CLCA2: variants seen among roughly 807,000 people sequenced by gnomAD.
CLCA2 encodes calcium-activated chloride channel regulator 2.
In CLCA2, 85 loss-of-function variants were observed where a neutral mutation model predicts 82.9. That is an observed-to-expected ratio of 1.03 (90% CI 0.86 to 1.23). The LOEUF (loss-of-function observed/expected upper bound fraction) is 1.23. CLCA2 is among the 50% of genes most tolerant of loss of function. The pLI, the probability that CLCA2 is intolerant of heterozygous loss-of-function variation, is 0.00. For missense variants in CLCA2, 1,089 were observed against 1,124.8 expected (o/e 0.97, Z 0.45); for synonymous variants, 421 against 391.7 (o/e 1.07, Z -0.88).
At chr1:86,446,123 G>A (rs1662848115) in intron 10 of CLCA2, among the ~76,000 whole-genome samples, 1 of 151,884 alleles carries the variant, frequency 6.6e-6, no homozygotes, top group African/African-American at 2.4e-5. Context: ...TCCAGTAGGG[G>A]TCCAACAGAC....
At chr1:86,428,333 G>A in intron 2 of CLCA2, 85 bp from the exon 3 acceptor site, 3 of 1,336,728 alleles carry the variant, frequency 2.2e-6, no homozygotes, top group Non-Finnish European at 1.0e-6. Context: ...TAAGTGTACA[G>A]TTCAAAGTGC....
At chr1:86,445,867 A>G (rs964693138) in intron 10 of CLCA2, among the ~76,000 whole-genome samples, 3 of 152,200 alleles carry the variant, frequency 2.0e-5, no homozygotes, top group Admixed American at 6.5e-5. Flanking sequence ...ACACACATTA[A>G]AAGTCTCCAA....
At chr1:86,436,644 T>G (rs1459001289) in intron 6 of CLCA2, among the ~76,000 whole-genome samples, 6 of 152,224 alleles carry the variant, frequency 3.9e-5, no homozygotes, top group Admixed American at 3.9e-4. Context: ...TCCACTAATA[T>G]AGCCAGCATT....
At chr1:86,428,282 T>A in intron 2 of CLCA2, 136 bp from the exon 3 acceptor site, 1 of 768,428 alleles carries the variant, frequency 1.3e-6, no homozygotes, top group South Asian at 5.3e-5. Flanking sequence ...ATTTTGTTTT[T>A]AAATTGGGTT....
At chr1:86,431,037 A>C in intron 4 of CLCA2, 67 bp downstream of exon 4, 1 of 1,090,388 alleles carries the variant, frequency 9.2e-7, no homozygotes. Context: ...TAACTTAAGC[A>C]ATTAAATAAT....
rs1444431909 is a variant in CLCA2 at position 86,453,540 on chromosome 1, A to C, written c.2327A>C (p.Lys776Thr). 5 of 1,614,196 alleles carry C rather than the reference A, an allele frequency of 3.1e-6. No homozygotes were observed. The highest frequency in any genetic ancestry group is 4.2e-6 in the Non-Finnish European group (5 of 1,180,012). ...AAAATTATTGACCTGGAAGCTGTAA[A>C]AGTAGAAGAGGAATTGACCCTATCT... ...PCKIIDLEAVKVEEELTLSWT... is the reference protein window; with the variant it reads ...PCKIIDLEAVTVEEELTLSWT... The change falls in exon 13 of 14, where the codon AAA becomes ACA. Residue 776 changes from lysine to threonine, a missense_variant. Transcript: ENST00000370565.
Position 86,441,481 on chromosome 1 carries a change from ATGAT to A in CLCA2, c.1431_1434del (p.Ile477MetfsTer33). 1 of 1,612,130 alleles carries A rather than the reference ATGAT, an allele frequency of 6.2e-7. No homozygotes were observed. The highest frequency in any genetic ancestry group is 8.5e-7 in the Non-Finnish European group (1 of 1,178,546). ...TCCAGATATATCAAACTCCAATAGC[ATGAT>A]TGATGCTTTCAGTAGAATTTCCTCT... On this transcript the variant is annotated frameshift_variant, in exon 9 of 14. Coordinates refer to ENST00000370565, the MANE Select transcript of CLCA2 (RefSeq NM_006536.7). LOFTEE classifies it high-confidence loss of function.
At chr1:86,424,831 G>T (rs1312150752) in intron 1 of CLCA2, among the ~76,000 whole-genome samples, 1 of 152,116 alleles carries the variant, frequency 6.6e-6, no homozygotes, top group Non-Finnish European at 1.5e-5. Flanking sequence ...CCATCCTGAG[G>T]GTGAGAATTC....
intron 4 of CLCA2, among the ~76,000 whole-genome samples, chr1:86,431,289 A>G (rs1662493206): frequency 6.6e-6 from 1 of 152,052 alleles, no homozygotes; most frequent in Non-Finnish European, 1.5e-5. Flanking sequence ...TATTTTTTCA[A>G]TATTTCTTCA....
chr1:86,434,750 C>T lies in CLCA2; in HGVS notation c.972+5C>T, dbSNP rs565615170. On this transcript the variant is annotated splice_donor_5th_base_variant and intron_variant, in intron 6 of 13. Transcript: ENST00000370565. ...GTGTCCAGCAAGATGGCAGAGGTAA[C>T]ATTTTGAACGAAAATGAATGTAAAC... is the stretch of plus-strand genomic sequence containing the variant. 3.8e-6 allele frequency: 6 copies of T among 1,583,682 alleles called. No homozygotes were observed. Among genetic ancestry groups the T allele is most frequent in the South Asian group, 2.2e-5 (2 of 89,926 alleles).
intron 6 of CLCA2, among the ~76,000 whole-genome samples, chr1:86,435,388 C>T (rs975245150): frequency 5.3e-5 from 8 of 152,224 alleles, no homozygotes; most frequent in African/African-American, 1.4e-4. Context: ...ATTCTACTCA[C>T]TGGTAAATAT....
At chr1:86,439,484 A>G (rs1662680548) in intron 7 of CLCA2, among the ~76,000 whole-genome samples, 1 of 152,232 alleles carries the variant, frequency 6.6e-6, no homozygotes, top group Non-Finnish European at 1.5e-5. Context: ...GCTTCTGTCT[A>G]TAGTCATTCT....
At chr1:86,428,801 C>T (rs959190355) in intron 3 of CLCA2, among the ~76,000 whole-genome samples, 3 of 152,104 alleles carry the variant, frequency 2.0e-5, no homozygotes, top group South Asian at 2.1e-4. Flanking sequence ...ATCAAGGAAA[C>T]GTCATTTAGA....
At chr1:86,430,016 T>A (rs1234233757) in intron 3 of CLCA2, among the ~76,000 whole-genome samples, 4 of 152,136 alleles carry the variant, frequency 2.6e-5, no homozygotes, top group Non-Finnish European at 5.9e-5. Flanking sequence ...CTCCCTTCCT[T>A]TGCCTCGAGG....
chr1:86,425,548 T>C (rs1175797588), intron 2 of CLCA2, 72 bp downstream of exon 2: 1 of 1,263,832 alleles, frequency 7.9e-7, no homozygotes, highest in African/African-American at 1.5e-5. Flanking sequence ...GCTCAAACGA[T>C]AAAAGTGAGA....
chr1:86,434,450 T>G, intron 5 of CLCA2, 68 bp from the exon 6 acceptor site: 4 of 1,321,272 alleles, frequency 3.0e-6, no homozygotes, highest in Middle Eastern at 1.9e-4. Context: ...TATAGTTCCT[T>G]GAGAATGAGA....
chr1:86,447,130 A>G (rs1375007010), intron 10 of CLCA2, among the ~76,000 whole-genome samples: 1 of 152,214 alleles, frequency 6.6e-6, no homozygotes, highest in Non-Finnish European at 1.5e-5. Context: ...ATGAAAAGAA[A>G]TGAAAAACAT....
intron 9 of CLCA2, among the ~76,000 whole-genome samples, chr1:86,442,838 C>T (rs946075204): frequency 2.6e-5 from 4 of 152,110 alleles, no homozygotes; most frequent in East Asian, 1.9e-4. Context: ...TATGTGACAT[C>T]GGCAAATTAC....
rs768110181 is a variant in CLCA2 at position 86,438,913 on chromosome 1, T to C, written c.1010T>C (p.Phe337Ser). Residue 337 changes from phenylalanine (F) to serine (S), a missense_variant, in exon 7 of 14, where the codon TTT becomes TCT. Transcript: ENST00000370565. ...RLLQLQQAAE[F>S]YLMQIVEIHT... ...CTTCAACTACAACAAGCCGCAGAAT[T>C]TTATTTGATGCAGATTGTTGAAATT... The C allele has an allele frequency of 6.2e-7, 1 of 1,614,116 alleles. No homozygotes were observed. Among genetic ancestry groups the C allele is most frequent in the Non-Finnish European group, 8.5e-7 (1 of 1,179,990 alleles).
Sources: allele counts gnomAD v4.1 joint callset (sites outside exome capture counted in the v4.1 genomes callset), GRCh38; gene constraint gnomAD v4.1.1; transcripts MANE v1.5; gene names NCBI Gene and HGNC (gene_info 2026-07-23, HGNC 2026-07-21).